ME2: variants seen among roughly 807,000 people sequenced by gnomAD.
ME2 encodes the protein NAD-dependent malic enzyme, mitochondrial.
In ME2, 60 loss-of-function variants were observed where a neutral mutation model predicts 73.7. The ratio of observed to expected loss-of-function variants is 0.81; its 90% CI spans 0.66 to 1.01. The LOEUF is 1.01. Among genes scored for constraint, ME2 ranks in the 50% least tolerant of loss-of-function variants. ME2 has a pLI of 0.00. For synonymous variants in ME2, 199 were observed against 236.9 expected (o/e 0.84, Z 1.47); for missense variants, 594 against 705.5 (o/e 0.84, Z 1.79).
chr18:50,942,638 A>G, intron 15 of ME2: 1 of 274,684 alleles, frequency 3.6e-6, no homozygotes, highest in Non-Finnish European at 6.7e-6. Flanking sequence ...TGGCATTTTT[A>G]CTTTTTTCTA....
intron 4 of ME2, 85 bp downstream of exon 4, chr18:50,913,035 ATGTT>A: frequency 8.0e-7 from 1 of 1,249,854 alleles, no homozygotes; most frequent in South Asian, 1.6e-5. Flanking sequence ...TTTCTATTTT[ATGTT>A]TGTTAGCCAA....
At position 50,912,963 on chromosome 18, in the gene ME2, T is replaced by A; in HGVS notation, c.392+13T>A. On this transcript the variant is annotated intron_variant, in intron 4 of 15. Transcript: ENST00000321341. ...TTAGAAGACCTAAGTAAGGCTTGTT[T>A]AAAAAAAAGCTTGTAAATGATTATT... 6.4e-7 allele frequency: 1 copy of A among 1,566,960 alleles called. No homozygotes were observed. Among genetic ancestry groups the A allele is most frequent in the South Asian group, 1.2e-5 (1 of 81,196 alleles).
chr18:50,883,628 C>T (rs1024420777), intron 1 of ME2, among the ~76,000 whole-genome samples: 14 of 152,044 alleles, frequency 9.2e-5, no homozygotes, highest in Admixed American at 8.5e-4. Context: ...TTTGGGAGGC[C>T]GAGGCGGGCG....
chr18:50,900,288 T>C (rs898946320), intron 2 of ME2, among the ~76,000 whole-genome samples: 1 of 149,920 alleles, frequency 6.7e-6, no homozygotes, highest in African/African-American at 2.4e-5. Context: ...ATTTATTTAT[T>C]TATTTATTTA....
chr18:50,891,552 A>G (rs1916605452), intron 1 of ME2, among the ~76,000 whole-genome samples: 1 of 152,222 alleles, frequency 6.6e-6, no homozygotes, highest in Non-Finnish European at 1.5e-5. Context: ...TTTCATGGAA[A>G]GTCCCAGAGG....
chr18:50,880,978 A>G (rs1916306833), intron 1 of ME2, among the ~76,000 whole-genome samples: 1 of 152,248 alleles, frequency 6.6e-6, no homozygotes, highest in African/African-American at 2.4e-5. Context: ...TATAATCTGT[A>G]TATTAAGTTA....
chr18:50,892,667 ATTAG>A lies in ME2; in HGVS notation c.-12-3139_-12-3136del, dbSNP rs1458505979. On this transcript the variant is annotated intron_variant, in intron 1 of 15. Coordinates refer to ENST00000321341, the MANE Select transcript of ME2 (RefSeq NM_002396.5). ...TCAGCCACTTTGCTGAAGTCTTCTT[ATTAG>A]TTCTAGTATTTTTTTCAGTTGATTG... Among the ~76,000 whole-genome samples the A allele has an allele frequency of 3.3e-5, 5 of 152,176 alleles. No homozygotes were observed. In the East Asian group the frequency reaches 7.7e-4, roughly 23 times the overall value.
At position 50,929,030 on chromosome 18, in the gene ME2, G is replaced by A. The variant is rs78561617; in HGVS notation, c.1314+3132G>A. 5.7e-3 allele frequency among the ~76,000 whole-genome samples: 869 copies of A among 152,008 alleles called. 2 individuals carry two copies. Among genetic ancestry groups the A allele is most frequent in the South Asian group, 0.033 (160 of 4,820 alleles). Reference sequence around the variant, plus strand: ...CTTGCTTACAAAAATTTTTAAAAATGTATTTTATCTGGTTTTTTAAATTGT... The same window carrying A: ...CTTGCTTACAAAAATTTTTAAAAATATATTTTATCTGGTTTTTTAAATTGT... On this transcript the variant is annotated intron_variant, in intron 12 of 15. Coordinates refer to ENST00000321341, the MANE Select transcript of ME2 (RefSeq NM_002396.5).
intron 2 of ME2, among the ~76,000 whole-genome samples, chr18:50,899,946 C>A (rs555769889): frequency 6.6e-6 from 1 of 152,182 alleles, no homozygotes; most frequent in Non-Finnish European, 1.5e-5. Context: ...CAAAATCTGA[C>A]ATGATTGGTG....
rs202143574 is a variant in ME2 at position 50,931,682 on chromosome 18, C to CTTT, written c.1315-568_1315-566dup. On this transcript the variant is annotated intron_variant, in intron 12 of 15. Transcript: ENST00000321341. ...TTAAATTTCTTTTTTTTTTCTTTTT[C>CTTT]TTTTTTTTTTGAGATGGAGTCTCGC... Among the ~76,000 whole-genome samples the CTTT allele has an allele frequency of 4.0e-3, 560 of 138,360 alleles. 9 individuals are homozygous for CTTT. In the East Asian group the frequency reaches 0.056, roughly 14 times the overall value. 90.8% of individuals were successfully genotyped at this position (138,360 alleles called of 152,430 possible).
intron 7 of ME2, 52 bp from the exon 8 acceptor site, chr18:50,920,404 T>C (rs2144237539): frequency 8.5e-7 from 1 of 1,173,798 alleles, no homozygotes; most frequent in East Asian, 2.4e-5. Context: ...GGTGGAAAGC[T>C]GTTTAATAGT....
chr18:50,888,619 G>A (rs761498446), intron 1 of ME2, among the ~76,000 whole-genome samples: 1 of 151,790 alleles, frequency 6.6e-6, no homozygotes, highest in East Asian at 1.9e-4. Context: ...TCTAAGACTC[G>A]TGATAACTAT....
chr18:50,942,428 T>C (rs927314893), intron 15 of ME2, among the ~76,000 whole-genome samples: 1 of 152,166 alleles, frequency 6.6e-6, no homozygotes, highest in Non-Finnish European at 1.5e-5. Context: ...CTGTTCTAAA[T>C]TGTTTTCTTC....
chr18:50,897,400 A>G (rs1260480819), intron 2 of ME2, among the ~76,000 whole-genome samples: 3 of 152,228 alleles, frequency 2.0e-5, no homozygotes, highest in Admixed American at 6.5e-5. Flanking sequence ...CAGATGGAGC[A>G]TAGTCTAAGT....
At chr18:50,897,309 A>G (rs1302063227) in intron 2 of ME2, among the ~76,000 whole-genome samples, 4 of 152,228 alleles carry the variant, frequency 2.6e-5, no homozygotes, top group African/African-American at 9.6e-5. Context: ...ATACTTATGG[A>G]AATAATTTAT....
chr18:50,891,631 A>G (rs546350434), intron 1 of ME2, among the ~76,000 whole-genome samples: 159 of 152,176 alleles, frequency 1.0e-3, no homozygotes, highest in African/African-American at 3.6e-3. Flanking sequence ...TTGGTTCCGC[A>G]TGATCCCCAA....
At position 50,953,800 on chromosome 18, in the gene ME2, A is replaced by G. The variant is rs1358380358; in HGVS notation, c.*6616A>G. ...GTAGTAATATAAAAATGTGTATGAA[A>G]TAAGAACTTTCTTAAAAGACCTAGT... is the stretch of plus-strand genomic sequence containing the variant. On this transcript the variant is annotated 3_prime_UTR_variant, in exon 16 of 16. Transcript: ENST00000321341. 1 of 152,270 alleles carries G rather than the reference A, an allele frequency of 6.6e-6. No individual in the cohort carries two copies. The highest frequency in any genetic ancestry group is 1.5e-5 in the Non-Finnish European group (1 of 68,052). 9.4% of individuals were successfully genotyped at this position (152,270 alleles called of 1,614,324 possible).
At chr18:50,936,994 A>G (rs1444839302) in intron 13 of ME2, among the ~76,000 whole-genome samples, 2 of 152,152 alleles carry the variant, frequency 1.3e-5, no homozygotes, top group Admixed American at 1.3e-4. Flanking sequence ...TAGGATAACC[A>G]TTAAAACACT....
chr18:50,931,336 T>C (rs1917684726), intron 12 of ME2, among the ~76,000 whole-genome samples: 1 of 152,240 alleles, frequency 6.6e-6, no homozygotes, highest in African/African-American at 2.4e-5. Context: ...TATAGCATCA[T>C]TGAAAACCTG....
Sources: gnomAD v4.1 joint callset for allele counts (sites outside exome capture counted in the v4.1 genomes callset) on GRCh38, gnomAD v4.1.1 for gene constraint, MANE v1.5 for transcripts, NCBI Gene and HGNC (gene_info 2026-07-23, HGNC 2026-07-21) for gene names.